Variants in SKA1 observed in about 807,000 individuals in gnomAD.
SKA1 encodes spindle and kinetochore associated complex subunit 1, also known as SKA complex subunit 1.
In SKA1, 20 loss-of-function variants were observed where a neutral mutation model predicts 31.8. The ratio of observed to expected loss-of-function variants is 0.63; its 90% CI spans 0.44 to 0.91. The LOEUF (loss-of-function observed/expected upper bound fraction) is 0.91. Among genes scored for constraint, SKA1 ranks in the 40% least tolerant of loss-of-function variants. The pLI is 0.00. For synonymous variants in SKA1, 88 were observed against 100.5 expected (o/e 0.88, Z 0.74); for missense variants, 253 against 298.2 (o/e 0.85, Z 1.12).
chr18:50,376,798 T>A (rs1390418464), intron 2 of SKA1, among the ~76,000 whole-genome samples: 1 of 143,990 alleles, frequency 6.9e-6, no homozygotes, highest in Non-Finnish European at 1.5e-5. Flanking sequence ...TATATCTTTA[T>A]GAGCTTTTTT....
At chr18:50,384,725 A>C in intron 4 of SKA1, among the ~76,000 whole-genome samples, 1 of 73,290 alleles carries the variant, frequency 1.4e-5, no homozygotes. Context: ...GGGAGGGGGG[A>C]GGGATAGCAT....
chr18:50,388,933 G>A (rs565464012), intron 5 of SKA1, among the ~76,000 whole-genome samples: 24 of 152,200 alleles, frequency 1.6e-4, no homozygotes, highest in Non-Finnish European at 3.2e-4. Context: ...AGTTCAAACT[G>A]AGCCTTAGCA....
chr18:50,390,493 G>A lies in SKA1; in HGVS notation c.450-631G>A, dbSNP rs112787209. 3.0e-3 allele frequency among the ~76,000 whole-genome samples: 464 copies of A among 152,328 alleles called. 3 individuals carry two copies. Among genetic ancestry groups the A allele is most frequent in the African/African-American group, 0.01 (416 of 41,568 alleles). ...GAGGGAGGTTGAAGAGTAGAATTCA[G>A]AGTGAAAGAGAGTGCTCTAAGGGAA... is the stretch of plus-strand genomic sequence containing the variant. On this transcript the variant is annotated intron_variant, in intron 5 of 6. Transcript: ENST00000285116.
chr18:50,389,375 C>CTTTTTTTTTTTTTTT lies in SKA1; in HGVS notation c.450-1738_450-1724dup, dbSNP rs756288352. 2.3e-3 allele frequency among the ~76,000 whole-genome samples: 199 copies of CTTTTTTTTTTTTTTT among 86,134 alleles called. 1 individual carries two copies. Among genetic ancestry groups the CTTTTTTTTTTTTTTT allele is most frequent in the Admixed American group, 4.1e-3 (27 of 6,626 alleles). 56.5% of individuals were successfully genotyped at this position (86,134 alleles called of 152,430 possible). On this transcript the variant is annotated intron_variant, in intron 5 of 6. Transcript: ENST00000285116. ...TCATTTTGTCATTTCCTTTACCTTT[C>CTTTTTTTTTTTTTTT]TTTTTTTTTTTTTTTTTTTTTTTTT... is the stretch of plus-strand genomic sequence containing the variant.
At chr18:50,384,348 C>T (rs1599727524) in intron 4 of SKA1, among the ~76,000 whole-genome samples, 2 of 152,066 alleles carry the variant, frequency 1.3e-5, no homozygotes, top group South Asian at 2.1e-4. Context: ...TTTCCTATGT[C>T]TTGACTTGCT....
intron 5 of SKA1, among the ~76,000 whole-genome samples, chr18:50,385,828 C>G (rs2041303187): frequency 6.6e-6 from 1 of 152,136 alleles, no homozygotes; most frequent in Admixed American, 6.5e-5. Context: ...GGGCGGGTCT[C>G]CCTTGCCTTT....
At chr18:50,384,713 G>A (rs1280128591) in intron 4 of SKA1, among the ~76,000 whole-genome samples, 2 of 109,028 alleles carry the variant, frequency 1.8e-5, no homozygotes, top group Non-Finnish European at 3.4e-5. Context: ...TGGTGGGGTC[G>A]GGGGAGGGGG....
chr18:50,377,260 C>T (rs2041226093), intron 2 of SKA1, among the ~76,000 whole-genome samples: 1 of 152,032 alleles, frequency 6.6e-6, no homozygotes, highest in East Asian at 1.9e-4. Context: ...ATGATGGCTC[C>T]GATGTCACAA....
At chr18:50,385,753 A>T (rs60711846) in intron 5 of SKA1, among the ~76,000 whole-genome samples, 5,670 of 152,270 alleles carry the variant, frequency 0.037, 332 homozygotes, top group African/African-American at 0.12. Flanking sequence ...CCTGTGCTAT[A>T]TTCCAGGCCC....
chr18:50,384,721 G>T lies in SKA1; in HGVS notation c.312-495G>T, dbSNP rs1487520603. Among the ~76,000 whole-genome samples, 17 of 107,470 alleles carry T rather than the reference G, an allele frequency of 1.6e-4. 1 individual carries two copies. In the East Asian group the frequency reaches 5.7e-3, roughly 36 times the overall value. The allele number at this position is 107,470 out of a possible 152,430, so 70.5% of individuals were successfully genotyped here. ...GGGACTGTGGTGGGGTCGGGGGAGG[G>T]GGGAGGGATAGCATTGGGAGATATA... On this transcript the variant is annotated intron_variant, in intron 4 of 6. Coordinates refer to ENST00000285116, the MANE Select transcript of SKA1 (RefSeq NM_145060.4).
intron 2 of SKA1, 48 bp downstream of exon 2, chr18:50,375,966 G>A: frequency 8.1e-7 from 1 of 1,229,826 alleles, no homozygotes; most frequent in South Asian, 1.3e-5. Context: ...AATGCATTTT[G>A]ATTATTCCAC....
intron 3 of SKA1, among the ~76,000 whole-genome samples, chr18:50,380,902 T>C (rs1021163836): frequency 7.2e-5 from 11 of 152,212 alleles, no homozygotes; most frequent in African/African-American, 2.2e-4. Context: ...CTCAGTGGGA[T>C]TGAACAAGGG....
intron 2 of SKA1, among the ~76,000 whole-genome samples, chr18:50,378,197 C>G (rs985372634): frequency 7.9e-5 from 12 of 152,182 alleles, no homozygotes; most frequent in Non-Finnish European, 1.5e-5. Context: ...ATCTATACAA[C>G]TATCAAGCCT....
intron 4 of SKA1, 94 bp from the exon 5 acceptor site, chr18:50,385,122 T>G: frequency 1.0e-6 from 1 of 986,488 alleles, no homozygotes; most frequent in Non-Finnish European, 1.5e-6. Flanking sequence ...ACAGGATGAG[T>G]TACGTATTTA....
intron 2 of SKA1, among the ~76,000 whole-genome samples, chr18:50,379,799 G>T (rs2041249321): frequency 6.6e-6 from 1 of 152,114 alleles, no homozygotes; most frequent in Non-Finnish European, 1.5e-5. Context: ...CTGGAAATTT[G>T]CCTTTTTCTC....
At chr18:50,384,265 AC>A in intron 4 of SKA1, among the ~76,000 whole-genome samples, 1 of 152,320 alleles carries the variant, frequency 6.6e-6, no homozygotes, top group East Asian at 1.9e-4. Context: ...AAGAAATATT[AC>A]AGGTATTTCT....
intron 4 of SKA1, among the ~76,000 whole-genome samples, chr18:50,384,167 G>C (rs2041283772): frequency 1.3e-5 from 2 of 152,124 alleles, no homozygotes; most frequent in Admixed American, 1.3e-4. Context: ...TTTGTTGTCA[G>C]AAAATAAAAC....
intron 4 of SKA1, among the ~76,000 whole-genome samples, chr18:50,384,064 A>C (rs2041283289): frequency 6.6e-6 from 1 of 152,096 alleles, no homozygotes; most frequent in Non-Finnish European, 1.5e-5. Context: ...CCCACTCATA[A>C]TTCCAGGGCT....
chr18:50,389,052 G>A (rs2041334095), intron 5 of SKA1, among the ~76,000 whole-genome samples: 1 of 152,188 alleles, frequency 6.6e-6, no homozygotes, highest in African/African-American at 2.4e-5. Flanking sequence ...TTTGGGGGCA[G>A]TGTTTGGCCC....
Sources: gnomAD v4.1 joint callset for allele counts (sites outside exome capture counted in the v4.1 genomes callset) on GRCh38, gnomAD v4.1.1 for gene constraint, MANE v1.5 for transcripts, NCBI Gene and HGNC (gene_info 2026-07-23, HGNC 2026-07-21) for gene names.